The following FOXK1 variants were observed in gnomAD, a reference collection of about 807,000 sequenced individuals.
FOXK1 encodes the protein forkhead box protein K1.
FOXK1 carries 19 observed loss-of-function variants against 51.9 expected under a neutral mutation model. That is an observed-to-expected ratio of 0.37 (90% CI 0.26 to 0.54). The LOEUF (loss-of-function observed/expected upper bound fraction) is 0.54, where lower values mean the gene tolerates loss of function less well. FOXK1 is among the 20% of genes least tolerant of loss of function. FOXK1 has a pLI of 0.87. For missense variants in FOXK1, 870 were observed against 1,032.7 expected, an observed-to-expected ratio of 0.84 and a Z score of 2.16; for synonymous variants, 537 against 482.6, an observed-to-expected ratio of 1.11 and a Z score of -1.48.
intron 1 of FOXK1, among the ~76,000 whole-genome samples, chr7:4,717,246 T>C (rs1780247116): frequency 8.2e-6 from 1 of 122,444 alleles, no homozygotes. Context: ...GGCATGTGGC[T>C]GGAAGGTGGT....
rs1562372978 is a variant in FOXK1 at position 4,705,971 on chromosome 7, T to TACGTATATAC, written c.560+23112_560+23113insCACGTATATA. ...TTATATATATATATGTATATATATATACGTATATATACGTATATATACGTA... is the reference window on the plus strand; with the variant it reads ...TTATATATATATATGTATATATATATACGTATATACACGTATATATACGTATATATACGTA... On this transcript the variant is annotated intron_variant, in intron 1 of 8. Transcript: ENST00000328914. Among the ~76,000 whole-genome samples, 37 of 76,454 alleles carry TACGTATATAC rather than the reference T, an allele frequency of 4.8e-4. 2 individuals are homozygous for TACGTATATAC. The highest frequency in any genetic ancestry group is 1.1e-3 in the South Asian group (3 of 2,780). The allele number at this position is 76,454 out of a possible 152,430, so 50.2% of individuals were successfully genotyped here.
intron 1 of FOXK1, among the ~76,000 whole-genome samples, chr7:4,727,631 C>G (rs1208826979): frequency 2.0e-5 from 3 of 152,200 alleles, no homozygotes; most frequent in African/African-American, 7.2e-5. Flanking sequence ...GCAGGTTGTT[C>G]TAAAGTGCGG....
At chr7:4,754,363 C>A (rs1373582372) in intron 2 of FOXK1, 96 bp from the exon 3 acceptor site, 5 of 1,413,770 alleles carry the variant, frequency 3.5e-6, no homozygotes, top group Non-Finnish European at 4.8e-6. Flanking sequence ...GCTTCTTCCC[C>A]ACAGCCCCAC....
Position 4,734,920 on chromosome 7 carries a change from C to T in FOXK1, c.561-5918C>T, listed in dbSNP as rs955167234. On this transcript the variant is annotated intron_variant, in intron 1 of 8. Coordinates refer to ENST00000328914, the MANE Select transcript of FOXK1 (RefSeq NM_001037165.2). The surrounding 1 kb of genome is among the most constrained non-coding windows in gnomAD (Gnocchi z 5.2). ...GATCTGTCACATTCATTTTAAAAAT[C>T]GCCTCCGGAAGCTTTCACGGGCTCT... is the stretch of plus-strand genomic sequence containing the variant. 4.6e-5 allele frequency among the ~76,000 whole-genome samples: 7 copies of T among 152,176 alleles called. No individual in the cohort carries two copies. Among genetic ancestry groups the T allele is most frequent in the East Asian group, 1.9e-4 (1 of 5,188 alleles).
intron 1 of FOXK1, among the ~76,000 whole-genome samples, chr7:4,699,451 G>A (rs573496906): frequency 5.9e-5 from 9 of 151,402 alleles, no homozygotes; most frequent in Admixed American, 2.0e-4. Flanking sequence ...TCACTGCAGC[G>A]TCTGCCTCCC....
At position 4,682,306 on chromosome 7, in the gene FOXK1, A is replaced by C; in HGVS notation, c.-3A>C. 1 of 988,660 alleles carries C rather than the reference A, an allele frequency of 1.0e-6. No homozygotes were observed. The highest frequency in any genetic ancestry group is 1.1e-4 in the East Asian group (1 of 8,954). 61.2% of individuals were successfully genotyped at this position (988,660 alleles called of 1,614,324 possible). On this transcript the variant is annotated 5_prime_UTR_variant, in exon 1 of 9. Coordinates refer to ENST00000328914, the MANE Select transcript of FOXK1 (RefSeq NM_001037165.2). The surrounding 1 kb of genome is among the most constrained non-coding windows in gnomAD (Gnocchi z 7.6). ...GCCGGAGGCCGCTCGGAGCCGCGCGAACATGGCCGAAGTCGGCGAGGACAG... is the reference window on the plus strand; with the variant it reads ...GCCGGAGGCCGCTCGGAGCCGCGCGCACATGGCCGAAGTCGGCGAGGACAG...
Position 4,756,079 on chromosome 7 carries a change from T to A in FOXK1, c.1050+696T>A, listed in dbSNP as rs7777890. The stretch of plus-strand genomic sequence containing the variant: ...TTGCATTTGCCTGTATTTTCTCCAA[T>A]GTCAGTGTAGCGCATCCACTAGCTT... On this transcript the variant is annotated intron_variant, in intron 4 of 8. Transcript: ENST00000328914. This position sits in a 1 kb window ranked among gnomAD's most constrained non-coding sequence, Gnocchi z 4.1. Among the ~76,000 whole-genome samples the A allele has an allele frequency of 0.19, 29,627 of 152,214 alleles. 5,729 individuals are homozygous for A. The highest frequency in any genetic ancestry group is 0.5 in the African/African-American group (20,810 of 41,476).
intron 1 of FOXK1, among the ~76,000 whole-genome samples, chr7:4,719,519 T>C (rs1018096915): frequency 1.3e-5 from 2 of 151,948 alleles, no homozygotes; most frequent in African/African-American, 4.8e-5. Flanking sequence ...TCTCACTCCA[T>C]CACCCAGGCT....
chr7:4,732,504 G>C (rs1311531305), intron 1 of FOXK1, among the ~76,000 whole-genome samples: 1 of 152,156 alleles, frequency 6.6e-6, no homozygotes, highest in Non-Finnish European at 1.5e-5. Flanking sequence ...GTGTTGCCCA[G>C]GCTGATCTCG....
intron 1 of FOXK1, among the ~76,000 whole-genome samples, chr7:4,690,808 G>A (rs746959161): frequency 2.6e-5 from 4 of 152,162 alleles, no homozygotes; most frequent in Non-Finnish European, 4.4e-5. Context: ...AGTAATTTAC[G>A]ATTTGCTGTT....
intron 1 of FOXK1, among the ~76,000 whole-genome samples, chr7:4,699,023 C>T (rs779445727): frequency 5.3e-5 from 8 of 152,234 alleles, no homozygotes; most frequent in Non-Finnish European, 7.3e-5. Flanking sequence ...CAGTATCGCC[C>T]AGTGCAGTGC....
chr7:4,730,747 C>T lies in FOXK1; in HGVS notation c.561-10091C>T, dbSNP rs767571127. Among the ~76,000 whole-genome samples the T allele has an allele frequency of 1.0e-3, 154 of 152,224 alleles. No individual in the cohort carries two copies. Among genetic ancestry groups the T allele is most frequent in the Non-Finnish European group, 1.6e-3 (107 of 68,016 alleles). On this transcript the variant is annotated intron_variant, in intron 1 of 8. Coordinates refer to ENST00000328914, the MANE Select transcript of FOXK1 (RefSeq NM_001037165.2). The surrounding 1 kb of genome is among the most constrained non-coding windows in gnomAD (Gnocchi z 4.7). ...GCCTATGGCTGCAGCCACCTGTGTT[C>T]GTTTTGGGGTTGTCATAAATAAATG...
At chr7:4,686,609 G>A (rs893335952) in intron 1 of FOXK1, among the ~76,000 whole-genome samples, 3 of 152,104 alleles carry the variant, frequency 2.0e-5, no homozygotes, top group Non-Finnish European at 4.4e-5. Context: ...CCGTGATAGC[G>A]TTTCTTCTAG....
chr7:4,683,220 C>G lies in FOXK1; in HGVS notation c.560+352C>G, dbSNP rs1421015379. On this transcript the variant is annotated intron_variant, in intron 1 of 8. Coordinates refer to ENST00000328914, the MANE Select transcript of FOXK1 (RefSeq NM_001037165.2). The surrounding 1 kb of genome is among the most constrained non-coding windows in gnomAD (Gnocchi z 4.5). The stretch of plus-strand genomic sequence containing the variant: ...GGTCACCCCTGACCTCATCTCCCAC[C>G]GGCCTGGGCTCCTGGAGCCACCCAT... Among the ~76,000 whole-genome samples, 2 of 151,308 alleles carry G rather than the reference C, an allele frequency of 1.3e-5. No homozygotes were observed. The highest frequency in any genetic ancestry group is 3.0e-5 in the Non-Finnish European group (2 of 67,756).
intron 1 of FOXK1, among the ~76,000 whole-genome samples, chr7:4,694,719 C>G (rs950603924): frequency 1.3e-4 from 20 of 152,158 alleles, no homozygotes; most frequent in African/African-American, 4.8e-4. Flanking sequence ...CCGTGTGGGT[C>G]TCACCTGGTG....
intron 1 of FOXK1, among the ~76,000 whole-genome samples, chr7:4,713,293 T>C (rs1352617978): frequency 1.3e-5 from 2 of 151,940 alleles, no homozygotes; most frequent in Admixed American, 1.3e-4. Flanking sequence ...CAAGCTAGGC[T>C]CTGGGGTTGG....
At chr7:4,724,752 C>T (rs1350454925) in intron 1 of FOXK1, among the ~76,000 whole-genome samples, 1 of 152,126 alleles carries the variant, frequency 6.6e-6, no homozygotes, top group Non-Finnish European at 1.5e-5. Flanking sequence ...AGCATGGTTG[C>T]CAGTGCCCCG....
At chr7:4,686,337 A>G (rs1779817299) in intron 1 of FOXK1, among the ~76,000 whole-genome samples, 1 of 152,178 alleles carries the variant, frequency 6.6e-6, no homozygotes, top group African/African-American at 2.4e-5. Flanking sequence ...ACACACTTCC[A>G]GTAGAGCTCC....
chr7:4,747,170 G>A lies in FOXK1; in HGVS notation c.746+6147G>A, dbSNP rs1482932927. Among the ~76,000 whole-genome samples the A allele has an allele frequency of 3.9e-5, 6 of 152,306 alleles. No individual in the cohort carries two copies. Among genetic ancestry groups the A allele is most frequent in the Admixed American group, 2.0e-4 (3 of 15,302 alleles). On this transcript the variant is annotated intron_variant, in intron 2 of 8. Transcript: ENST00000328914. This position sits in a 1 kb window ranked among gnomAD's most constrained non-coding sequence, Gnocchi z 9.2. ...GTAATCTCGGAGGGTCCTAGCGCCC[G>A]ACTTCTCAGGTCAGCCTCGGGTGAC...
Sources: gnomAD v4.1 joint callset for allele counts (sites outside exome capture counted in the v4.1 genomes callset) on GRCh38, gnomAD v4.1.1 for gene constraint, Gnocchi (gnomAD v3.1) non-coding constraint, MANE v1.5 for transcripts, NCBI Gene and HGNC (gene_info 2026-07-23, HGNC 2026-07-21) for gene names.